OTUD7A: variants seen among roughly 807,000 people sequenced by gnomAD.
The protein encoded by OTUD7A is OTU deubiquitinase 7A, also known as OTU domain-containing protein 7A.
In OTUD7A, 12 loss-of-function variants were observed where a neutral mutation model predicts 65.7. The observed-to-expected ratio is 0.18, with a 90% CI of 0.12 to 0.30. The LOEUF (loss-of-function observed/expected upper bound fraction) is 0.30, where lower values mean the gene tolerates loss of function less well. Among genes scored for constraint, OTUD7A ranks in the 10% least tolerant of loss-of-function variants. OTUD7A has a pLI of 1.00. For missense variants in OTUD7A, 1,148 were observed against 1,304.8 expected, an observed-to-expected ratio of 0.88 and a Z score of 1.85; for synonymous variants, 641 against 586.3, an observed-to-expected ratio of 1.09 and a Z score of -1.35.
At chr15:31,514,061 T>C (rs530067171) in intron 8 of OTUD7A, among the ~76,000 whole-genome samples, 18 of 150,310 alleles carry the variant, frequency 1.2e-4, no homozygotes, top group African/African-American at 3.2e-4. Flanking sequence ...TTCTTTCTTT[T>C]TTTTTTTTTT....
At chr15:31,833,749 C>A (rs889534098) in intron 1 of OTUD7A, among the ~76,000 whole-genome samples, 7 of 152,222 alleles carry the variant, frequency 4.6e-5, no homozygotes, top group Non-Finnish European at 8.8e-5. Context: ...GAATTCCTCA[C>A]TTCAGTATTT....
At chr15:31,804,606 A>G (rs1192869185) in intron 1 of OTUD7A, among the ~76,000 whole-genome samples, 1 of 152,178 alleles carries the variant, frequency 6.6e-6, no homozygotes, top group Non-Finnish European at 1.5e-5. Context: ...GAATGATGGC[A>G]GACTTCAGAA....
In OTUD7A at chr15:31,744,705, G is replaced by T. The variant is rs1408236956; in HGVS notation, c.-99-87628C>A. Among the ~76,000 whole-genome samples the T allele has an allele frequency of 2.0e-5, 3 of 152,062 alleles. No individual in the cohort carries two copies. The East Asian group carries it at 5.8e-4, about 29-fold the overall frequency. On this transcript the variant is annotated intron_variant, in intron 1 of 12. Coordinates refer to ENST00000307050, the MANE Select transcript of OTUD7A (RefSeq NM_001382637.1). The stretch of plus-strand genomic sequence containing the variant: ...AGATTGTAGCCAGTGCAATAAAGTA[G>T]AAAAGAGGGATAAAGGTTAAAAAGG...
chr15:31,844,602 G>C (rs902967394), intron 1 of OTUD7A, among the ~76,000 whole-genome samples: 1 of 152,234 alleles, frequency 6.6e-6, no homozygotes, highest in Non-Finnish European at 1.5e-5. Context: ...CTGCTGTGAA[G>C]ATACCTGCCT....
chr15:31,708,463 A>AG (rs1163253373), intron 1 of OTUD7A, among the ~76,000 whole-genome samples: 4 of 149,712 alleles, frequency 2.7e-5, no homozygotes, highest in Non-Finnish European at 5.9e-5. Context: ...CACCATCCAT[A>AG]GGGGAGAGGC....
At chr15:31,494,309 G>A (rs963293278) in intron 10 of OTUD7A, among the ~76,000 whole-genome samples, 2 of 152,248 alleles carry the variant, frequency 1.3e-5, no homozygotes, top group South Asian at 2.1e-4. Flanking sequence ...GCACGAGAGC[G>A]CTCTTCTTTC....
intron 5 of OTUD7A, among the ~76,000 whole-genome samples, chr15:31,533,648 C>A (rs762905342): frequency 4.3e-4 from 65 of 151,970 alleles, no homozygotes; most frequent in Non-Finnish European, 7.9e-4. Flanking sequence ...AGCAAGCCTA[C>A]CTTAAAGAAA....
At chr15:31,797,740 C>T (rs990284559) in intron 1 of OTUD7A, among the ~76,000 whole-genome samples, 3 of 152,222 alleles carry the variant, frequency 2.0e-5, no homozygotes, top group Non-Finnish European at 4.4e-5. Context: ...AAAGCAAAGA[C>T]GTGTTCCTAT....
chr15:31,673,806 G>T (rs1386274331), intron 1 of OTUD7A, among the ~76,000 whole-genome samples: 10 of 152,186 alleles, frequency 6.6e-5, no homozygotes, highest in African/African-American at 2.2e-4. Context: ...CATTGTCATT[G>T]TGACAAGTGT....
At chr15:31,563,596 C>T (rs571129610) in intron 4 of OTUD7A, among the ~76,000 whole-genome samples, 11 of 152,326 alleles carry the variant, frequency 7.2e-5, no homozygotes, top group Middle Eastern at 3.4e-3. Flanking sequence ...CATCCCCTAG[C>T]CCCAGCCCTG....
At chr15:31,537,070 G>C (rs1291310339) in intron 5 of OTUD7A, among the ~76,000 whole-genome samples, 1 of 152,094 alleles carries the variant, frequency 6.6e-6, no homozygotes, top group African/African-American at 2.4e-5. Flanking sequence ...TTAATAAAAG[G>C]TGTTGTTTCT....
chr15:31,670,338 T>G (rs552065663), intron 1 of OTUD7A, among the ~76,000 whole-genome samples: 1 of 152,300 alleles, frequency 6.6e-6, no homozygotes, highest in Admixed American at 6.5e-5. Flanking sequence ...TGGTTCTAGG[T>G]CTTTGAGGAA....
intron 3 of OTUD7A, among the ~76,000 whole-genome samples, chr15:31,646,471 T>C (rs535183091): frequency 0.067 from 10,076 of 151,154 alleles, 808 homozygotes; most frequent in African/African-American, 0.19. Context: ...TTTTTGTTTT[T>C]TTTTTTTGAG....
intron 3 of OTUD7A, among the ~76,000 whole-genome samples, chr15:31,640,820 G>A (rs1595678313): frequency 6.6e-6 from 1 of 152,080 alleles, no homozygotes. Flanking sequence ...ATCATTTCAC[G>A]GTTACCCCTT....
At chr15:31,552,614 C>T (rs57979158) in intron 5 of OTUD7A, among the ~76,000 whole-genome samples, 9,590 of 152,292 alleles carry the variant, frequency 0.063, 1,003 homozygotes, top group African/African-American at 0.22. Context: ...GAGAGCCTGA[C>T]GCCCCCTCAG....
intron 1 of OTUD7A, among the ~76,000 whole-genome samples, chr15:31,809,787 A>G (rs1220182930): frequency 6.6e-6 from 1 of 152,230 alleles, no homozygotes; most frequent in Non-Finnish European, 1.5e-5. Context: ...GTTTTCTGTT[A>G]CTCAAACCTG....
chr15:31,805,186 C>A (rs1433769526), intron 1 of OTUD7A, among the ~76,000 whole-genome samples: 1 of 152,208 alleles, frequency 6.6e-6, no homozygotes, highest in East Asian at 1.9e-4. Context: ...TGGAAGACAG[C>A]ACTAAAGAGG....
At chr15:31,757,857 T>C (rs1380505614) in intron 1 of OTUD7A, among the ~76,000 whole-genome samples, 1 of 152,154 alleles carries the variant, frequency 6.6e-6, no homozygotes, top group Non-Finnish European at 1.5e-5. Flanking sequence ...CAAAAATTAA[T>C]AGGAGGATGT....
chr15:31,767,458 G>C, intron 1 of OTUD7A: 1 of 773,256 alleles, frequency 1.3e-6, no homozygotes, highest in East Asian at 2.4e-5. Flanking sequence ...CAATTTGCTA[G>C]GCACTTCATG....
Sources: gnomAD v4.1 joint callset for allele counts (sites outside exome capture counted in the v4.1 genomes callset) on GRCh38, gnomAD v4.1.1 for gene constraint, MANE v1.5 for transcripts, NCBI Gene and HGNC (gene_info 2026-07-23, HGNC 2026-07-21) for gene names.